ATXN7L1: variants seen among roughly 807,000 people sequenced by gnomAD.
ATXN7L1 encodes ataxin-7-like protein 1.
In ATXN7L1, 15 loss-of-function variants were observed where a neutral mutation model predicts 70.8. The ratio of observed to expected loss-of-function variants is 0.21; its 90% confidence interval spans 0.14 to 0.33. The LOEUF is 0.33. Ranked by LOEUF, ATXN7L1 falls within the 10% of genes least tolerant of loss-of-function variation. ATXN7L1 has a pLI of 1.00. For missense variants in ATXN7L1, 975 were observed against 1,097.1 expected (o/e 0.89, Z 1.57); for synonymous variants, 440 against 445.1 (o/e 0.99, Z 0.14).
intron 2 of ATXN7L1, among the ~76,000 whole-genome samples, chr7:105,828,398 T>C (rs1172258217): frequency 6.6e-6 from 1 of 152,230 alleles, no homozygotes; most frequent in East Asian, 1.9e-4. Flanking sequence ...GAGTTGTCCA[T>C]AGAAGATCTT....
intron 2 of ATXN7L1, chr7:105,819,668 C>A: frequency 2.1e-6 from 2 of 943,656 alleles, no homozygotes; most frequent in Non-Finnish European, 3.4e-6. Context: ...TCTTCCTCCG[C>A]AAGCAGATGA....
chr7:105,681,381 G>A (rs547227426), intron 3 of ATXN7L1, among the ~76,000 whole-genome samples: 342 of 152,300 alleles, frequency 2.2e-3, no homozygotes, highest in Non-Finnish European at 3.2e-3. Context: ...TGGGATAGCT[G>A]TTAACAAACA....
rs71540968 is a variant in ATXN7L1, at chr7:105,733,625, T to C, written c.355+54979A>G. 1.8e-3 allele frequency among the ~76,000 whole-genome samples: 203 copies of C among 110,740 alleles called. 2 individuals carry two copies. Among genetic ancestry groups the C allele is most frequent in the Admixed American group, 2.5e-3 (28 of 11,190 alleles). The allele number at this position is 110,740 out of a possible 152,430, so 72.6% of individuals were successfully genotyped here. On this transcript the variant is annotated intron_variant, in intron 3 of 11. Coordinates refer to ENST00000419735, the MANE Select transcript of ATXN7L1 (RefSeq NM_020725.2). ...ATCCACCCATCCATCCATCCATCCATCCATCCACCCATCCATCCATCCATC... is the reference window on the plus strand; with the variant it reads ...ATCCACCCATCCATCCATCCATCCACCCATCCACCCATCCATCCATCCATC...
chr7:105,751,971 G>A (rs1799272066), intron 3 of ATXN7L1, among the ~76,000 whole-genome samples: 1 of 152,242 alleles, frequency 6.6e-6, no homozygotes, highest in South Asian at 2.1e-4. Flanking sequence ...CTCAAGGGAA[G>A]AAGCAGAACA....
chr7:105,841,579 CT>C (rs1813214627), intron 2 of ATXN7L1, among the ~76,000 whole-genome samples: 1 of 152,162 alleles, frequency 6.6e-6, no homozygotes, highest in Non-Finnish European at 1.5e-5. Flanking sequence ...TTCCACCTGC[CT>C]ATCAGTCACT....
At chr7:105,873,839 G>A (rs963938887) in intron 2 of ATXN7L1, among the ~76,000 whole-genome samples, 7 of 152,006 alleles carry the variant, frequency 4.6e-5, no homozygotes, top group African/African-American at 1.2e-4. Flanking sequence ...AAAAGAATCC[G>A]TTTCTCAGCC....
intron 2 of ATXN7L1, among the ~76,000 whole-genome samples, chr7:105,799,913 G>A (rs1244828422): frequency 6.6e-6 from 1 of 152,176 alleles, no homozygotes; most frequent in Non-Finnish European, 1.5e-5. Flanking sequence ...AGCTGGACTG[G>A]CTACCGACTG....
chr7:105,616,086 T>C (rs1430184538), intron 9 of ATXN7L1, among the ~76,000 whole-genome samples: 1 of 152,204 alleles, frequency 6.6e-6, no homozygotes, highest in Non-Finnish European at 1.5e-5. Context: ...CCTTGCTCCC[T>C]CTCCCGGTTT....
At chr7:105,866,956 A>G (rs1817565200) in intron 2 of ATXN7L1, among the ~76,000 whole-genome samples, 1 of 152,228 alleles carries the variant, frequency 6.6e-6, no homozygotes, top group South Asian at 2.1e-4. Flanking sequence ...CTTCTGAAAT[A>G]TGTCATGAAT....
intron 2 of ATXN7L1, among the ~76,000 whole-genome samples, chr7:105,811,299 A>T (rs887699814): frequency 6.6e-6 from 1 of 152,200 alleles, no homozygotes; most frequent in Non-Finnish European, 1.5e-5. Context: ...GCTATAAGAC[A>T]TGGAAAGCCA....
At chr7:105,856,578 C>T (rs977751261) in intron 2 of ATXN7L1, among the ~76,000 whole-genome samples, 13 of 136,140 alleles carry the variant, frequency 9.5e-5, no homozygotes, top group Non-Finnish European at 1.2e-4. Context: ...AAGAGTGAGA[C>T]TCAGTCTCAA....
chr7:105,801,819 T>C (rs998177409), intron 2 of ATXN7L1, among the ~76,000 whole-genome samples: 1 of 152,172 alleles, frequency 6.6e-6, no homozygotes, highest in Non-Finnish European at 1.5e-5. Flanking sequence ...ATTGGCACAG[T>C]GGGAGTAGTT....
rs575359218 is a variant in ATXN7L1, at chr7:105,693,095, G to T, written c.356-27807C>A. On this transcript the variant is annotated intron_variant, in intron 3 of 11. Coordinates refer to ENST00000419735, the MANE Select transcript of ATXN7L1 (RefSeq NM_020725.2). ...TGCATCAAGCAGTATCTCACTGTAG[G>T]ACCAAGAGAATTAACCAAATAAAAT... is the stretch of plus-strand genomic sequence containing the variant. Among the ~76,000 whole-genome samples, 19 of 152,288 alleles carry T rather than the reference G, an allele frequency of 1.2e-4. 1 individual carries two copies. In the South Asian group the frequency reaches 3.9e-3, roughly 32 times the overall value.
At chr7:105,729,575 C>G (rs7385162) in intron 3 of ATXN7L1, among the ~76,000 whole-genome samples, 111,622 of 151,330 alleles carry the variant, frequency 0.74, 42,853 homozygotes, top group East Asian at 1. Context: ...GATTACAGAC[C>G]TGTGCCACTA....
intron 3 of ATXN7L1, among the ~76,000 whole-genome samples, chr7:105,702,982 G>A (rs183815848): frequency 2.6e-5 from 4 of 152,334 alleles, no homozygotes; most frequent in African/African-American, 4.8e-5. Context: ...AAGGCGTGGC[G>A]GCGTGCGCCT....
intron 8 of ATXN7L1, 62 bp downstream of exon 8, chr7:105,624,013 T>A: frequency 7.7e-7 from 1 of 1,296,700 alleles, no homozygotes; most frequent in South Asian, 2.5e-5. Context: ...TCTGGTATGA[T>A]CACCTAAGTG....
intron 3 of ATXN7L1, among the ~76,000 whole-genome samples, chr7:105,750,565 G>A (rs1296739690): frequency 2.7e-5 from 4 of 148,644 alleles, no homozygotes; most frequent in Non-Finnish European, 4.5e-5. Context: ...ACTTTGGGAG[G>A]CAGAGGCGGG....
At chr7:105,796,868 T>C (rs916124287) in intron 2 of ATXN7L1, among the ~76,000 whole-genome samples, 16 of 152,156 alleles carry the variant, frequency 1.1e-4, no homozygotes, top group Admixed American at 3.9e-4. Flanking sequence ...CTTAAATTCA[T>C]AGAACAAAAC....
At chr7:105,678,993 G>T in intron 3 of ATXN7L1, 1 of 862,432 alleles carries the variant, frequency 1.2e-6, no homozygotes, top group Non-Finnish European at 1.4e-6. Context: ...TCTGTTCCGT[G>T]ACCTGCGCCC....
Sources: allele counts gnomAD v4.1 joint callset (sites outside exome capture counted in the v4.1 genomes callset), GRCh38; gene constraint gnomAD v4.1.1; transcripts MANE v1.5; gene names NCBI Gene and HGNC (gene_info 2026-07-23, HGNC 2026-07-21).